The following DKK2 variants were observed in gnomAD, a reference collection of about 807,000 sequenced individuals.
DKK2 encodes dickkopf-related protein 2.
A neutral mutation model predicts 28.1 loss-of-function variants in DKK2; 11 were observed. The ratio of observed to expected loss-of-function variants is 0.39; its 90% CI spans 0.25 to 0.65. The LOEUF (loss-of-function observed/expected upper bound fraction) is 0.65, where lower values mean the gene tolerates loss of function less well. Ranked by LOEUF, DKK2 falls within the 30% of genes least tolerant of loss-of-function variation. DKK2 has a pLI of 0.47. For synonymous variants in DKK2, 135 were observed against 126.5 expected (o/e 1.07, Z -0.45); for missense variants, 326 against 335.5 (o/e 0.97, Z 0.22).
At chr4:106,978,036 C>T (rs745879449) in intron 1 of DKK2, among the ~76,000 whole-genome samples, 26 of 152,324 alleles carry the variant, frequency 1.7e-4, no homozygotes, top group Admixed American at 7.8e-4. Context: ...AGGTCCACTC[C>T]AGACCCTGTT....
At chr4:106,998,004 T>G (rs940436975) in intron 1 of DKK2, among the ~76,000 whole-genome samples, 4 of 152,278 alleles carry the variant, frequency 2.6e-5, no homozygotes, top group Middle Eastern at 3.4e-3. Flanking sequence ...GTTTCTAGAA[T>G]TACAGTCTTA....
chr4:106,975,595 T>C (rs1056372103), intron 1 of DKK2, among the ~76,000 whole-genome samples: 1 of 152,190 alleles, frequency 6.6e-6, no homozygotes, highest in East Asian at 1.9e-4. Context: ...ATCCCCTTTA[T>C]CATTTTTTAT....
chr4:106,938,297 A>G (rs1339141380), intron 1 of DKK2, among the ~76,000 whole-genome samples: 3 of 152,206 alleles, frequency 2.0e-5, no homozygotes, highest in Non-Finnish European at 4.4e-5. Context: ...ATCACCACCG[A>G]TCCAACAGAA....
rs1434537993 is a variant in DKK2 at position 106,921,900 on chromosome 4, C to CAGATA, written c.*2053_*2054insTATCT. On this transcript the variant is annotated 3_prime_UTR_variant, in exon 4 of 4. Transcript: ENST00000285311. Reference sequence around the variant, plus strand: ...GCTGCAAATATATTCTGCTACAAAGCTTTCTGTAAGAAATATCTCTATAAG... The same window carrying CAGATA: ...GCTGCAAATATATTCTGCTACAAAGCAGATATTTCTGTAAGAAATATCTCTATAAG... The CAGATA allele has an allele frequency of 6.6e-6, 1 of 152,542 alleles. No individual in the cohort carries two copies. The highest frequency in any genetic ancestry group is 1.5e-5 in the Non-Finnish European group (1 of 68,002). 9.4% of individuals were successfully genotyped at this position (152,542 alleles called of 1,614,324 possible). A position where few individuals can be genotyped will look rare whatever the true frequency, so the allele number is the denominator to read the frequency against.
intron 1 of DKK2, among the ~76,000 whole-genome samples, chr4:107,010,891 A>G (rs1364026538): frequency 6.6e-6 from 1 of 151,178 alleles, no homozygotes; most frequent in African/African-American, 2.4e-5. Context: ...TATAAATAAT[A>G]TATTTTAATT....
intron 1 of DKK2, among the ~76,000 whole-genome samples, chr4:106,956,564 A>T (rs1297771249): frequency 6.6e-6 from 1 of 152,210 alleles, no homozygotes; most frequent in East Asian, 1.9e-4. Flanking sequence ...ATATAGATCA[A>T]TGGAACAGAA....
intron 1 of DKK2, among the ~76,000 whole-genome samples, chr4:106,970,929 C>A (rs1722860120): frequency 1.3e-5 from 2 of 152,088 alleles, no homozygotes; most frequent in South Asian, 4.1e-4. Flanking sequence ...AAAATGTCAA[C>A]ATTTGGAAAC....
At chr4:106,977,143 C>A (rs1722957818) in intron 1 of DKK2, among the ~76,000 whole-genome samples, 1 of 152,270 alleles carries the variant, frequency 6.6e-6, no homozygotes, top group African/African-American at 2.4e-5. Flanking sequence ...TGTGGGTAAC[C>A]CAACCTTTCT....
intron 1 of DKK2, among the ~76,000 whole-genome samples, chr4:106,973,716 T>C (rs1722902695): frequency 6.6e-6 from 1 of 152,238 alleles, no homozygotes; most frequent in South Asian, 2.1e-4. Flanking sequence ...TTTCTTTTGC[T>C]GTGCAGAAGC....
At chr4:107,003,594 T>C (rs1209955168) in intron 1 of DKK2, among the ~76,000 whole-genome samples, 3 of 152,178 alleles carry the variant, frequency 2.0e-5, no homozygotes, top group Non-Finnish European at 2.9e-5. Flanking sequence ...GACTTAGAGA[T>C]TTTTGGTCAT....
intron 1 of DKK2, among the ~76,000 whole-genome samples, chr4:107,020,007 TA>T (rs1027859159): frequency 1.1e-4 from 16 of 150,604 alleles, no homozygotes; most frequent in South Asian, 2.1e-4. Flanking sequence ...AGTGGACATT[TA>T]AAAAAAAAAT....
At chr4:106,937,001 G>A (rs1218609431) in intron 1 of DKK2, among the ~76,000 whole-genome samples, 36 of 152,078 alleles carry the variant, frequency 2.4e-4, no homozygotes, top group South Asian at 1.9e-3. Flanking sequence ...GGTACCAGCC[G>A]CTGCAAAATC....
intron 1 of DKK2, among the ~76,000 whole-genome samples, chr4:106,932,588 T>G (rs2110340672): frequency 6.6e-6 from 1 of 152,272 alleles, no homozygotes; most frequent in East Asian, 1.9e-4. Flanking sequence ...TTGTTTGTTT[T>G]AGACCCATCC....
intron 1 of DKK2, among the ~76,000 whole-genome samples, chr4:106,992,602 C>T (rs1187899993): frequency 6.6e-6 from 1 of 152,160 alleles, no homozygotes; most frequent in Non-Finnish European, 1.5e-5. Flanking sequence ...TGCTGCAAAA[C>T]TTCTCAGAGC....
intron 1 of DKK2, among the ~76,000 whole-genome samples, chr4:106,947,288 A>G (rs373600131): frequency 6.6e-6 from 1 of 152,088 alleles, no homozygotes; most frequent in African/African-American, 2.4e-5. Context: ...TGAAGGTAAC[A>G]TCTGTCTGTG....
At chr4:106,937,360 G>C (rs1439341231) in intron 1 of DKK2, among the ~76,000 whole-genome samples, 1,692 of 133,736 alleles carry the variant, frequency 0.013, 25 homozygotes, top group African/African-American at 0.046. Flanking sequence ...AAGATCAAAA[G>C]AGACAAAGAA....
intron 1 of DKK2, among the ~76,000 whole-genome samples, chr4:107,031,722 C>T (rs113635455): frequency 2.6e-5 from 4 of 152,022 alleles, no homozygotes; most frequent in African/African-American, 9.6e-5. Flanking sequence ...TTCATCTGCC[C>T]GTCTCAGAAA....
intron 1 of DKK2, among the ~76,000 whole-genome samples, chr4:107,023,043 TG>T (rs1578381951): frequency 1.3e-5 from 2 of 152,036 alleles, no homozygotes; most frequent in East Asian, 3.9e-4. Context: ...CCTGGGAAGG[TG>T]GATATATAGA....
intron 1 of DKK2, among the ~76,000 whole-genome samples, chr4:106,991,868 C>T (rs537344217): frequency 6.6e-6 from 1 of 152,256 alleles, no homozygotes; most frequent in South Asian, 2.1e-4. Flanking sequence ...CTCCATACTC[C>T]GAACTCCAGT....
Sources: allele counts gnomAD v4.1 joint callset (sites outside exome capture counted in the v4.1 genomes callset), GRCh38; gene constraint gnomAD v4.1.1; transcripts MANE v1.5; gene names NCBI Gene and HGNC (gene_info 2026-07-23, HGNC 2026-07-21).